The following SAXO1 variants were observed in gnomAD, a reference collection of about 807,000 sequenced individuals.
SAXO1 encodes 4930500O09Rik.
A neutral mutation model predicts 17.5 loss-of-function variants in SAXO1; 21 were observed. That is an observed-to-expected ratio of 1.20 (90% CI 0.85 to 1.72). The LOEUF (loss-of-function observed/expected upper bound fraction) is 1.72, where lower values mean the gene tolerates loss of function less well. Among genes scored for constraint, SAXO1 ranks in the 40% most tolerant of loss-of-function variants. The probability of loss-of-function intolerance (pLI) is 0.00; values close to 1 mark genes in which losing one functional copy is unlikely to be tolerated. For missense variants in SAXO1, 843 were observed against 596.0 expected (o/e 1.41, Z -4.32); for synonymous variants, 274 against 216.5 (o/e 1.27, Z -2.33).
intron 3 of SAXO1, among the ~76,000 whole-genome samples, chr9:18,929,371 C>T (rs963646942): frequency 2.6e-5 from 4 of 152,220 alleles, no homozygotes; most frequent in Admixed American, 2.6e-4. Context: ...CACTAGCTTA[C>T]TCTGACAACA....
intron 1 of SAXO1, among the ~76,000 whole-genome samples, chr9:19,002,623 A>G (rs1354741647): frequency 6.6e-6 from 1 of 152,232 alleles, no homozygotes; most frequent in Non-Finnish European, 1.5e-5. Flanking sequence ...CATCACATGA[A>G]CAGAACCAAA....
intron 3 of SAXO1, among the ~76,000 whole-genome samples, chr9:18,937,626 A>C: frequency 1.3e-5 from 2 of 152,062 alleles, no homozygotes; most frequent in Middle Eastern, 3.4e-3. Context: ...TGCATCATGC[A>C]GGCTCCACCT....
rs1441050773 is a variant in SAXO1, at chr9:19,024,207, G to A, written c.38+8664C>T. 2.0e-5 allele frequency among the ~76,000 whole-genome samples: 3 copies of A among 151,922 alleles called. No homozygotes were observed. The East Asian group carries it at 5.8e-4, about 30-fold the overall frequency. ...CAGGCTCAAGTACTCAGGCAGACATGATGTCTTCCGTGTCTCTCTGACTGC... is the reference window on the plus strand; with the variant it reads ...CAGGCTCAAGTACTCAGGCAGACATAATGTCTTCCGTGTCTCTCTGACTGC... On this transcript the variant is annotated intron_variant, in intron 1 of 3. Transcript: ENST00000380534.
intron 2 of SAXO1, among the ~76,000 whole-genome samples, chr9:18,942,793 G>A (rs1300194366): frequency 6.6e-6 from 1 of 152,206 alleles, no homozygotes; most frequent in Non-Finnish European, 1.5e-5. Flanking sequence ...GACTTGTGTT[G>A]CCCTCCAGGG....
Position 19,024,314 on chromosome 9 carries a change from T to C in SAXO1, c.38+8557A>G, listed in dbSNP as rs143532652. Reference sequence around the variant, plus strand: ...CCTGTGCTCCTCTCCCGCCTAATCCTCACACCAACCTTAAGAATATCGCAA... The same window carrying C: ...CCTGTGCTCCTCTCCCGCCTAATCCCCACACCAACCTTAAGAATATCGCAA... On this transcript the variant is annotated intron_variant, in intron 1 of 3. Transcript: ENST00000380534. Among the ~76,000 whole-genome samples, 596 of 151,900 alleles carry C rather than the reference T, an allele frequency of 3.9e-3. 3 individuals are homozygous for C. The highest frequency in any genetic ancestry group is 0.013 in the African/African-American group (544 of 41,424).
At chr9:19,022,328 AC>A (rs1314117264) in intron 1 of SAXO1, among the ~76,000 whole-genome samples, 1 of 152,236 alleles carries the variant, frequency 6.6e-6, no homozygotes, top group Non-Finnish European at 1.5e-5. Flanking sequence ...TGTAACATTC[AC>A]TGCGAGAGTC....
Position 18,949,250 on chromosome 9 carries a change from A to G in SAXO1, c.218+1508T>C, listed in dbSNP as rs181194754. ...CATTTAAGATACATGCTTAGAATAA[A>G]TATAATCATCTGGCCTTAGCAATAT... On this transcript the variant is annotated intron_variant, in intron 2 of 3. Transcript: ENST00000380534. 2.8e-3 allele frequency among the ~76,000 whole-genome samples: 425 copies of G among 152,302 alleles called. 4 individuals are homozygous for G. The highest frequency in any genetic ancestry group is 9.7e-3 in the African/African-American group (404 of 41,552).
chr9:19,014,886 T>C (rs1344156709), intron 1 of SAXO1, among the ~76,000 whole-genome samples: 3 of 152,072 alleles, frequency 2.0e-5, no homozygotes, highest in Admixed American at 6.6e-5. Context: ...TCAAGACCAA[T>C]AAACAAGACC....
chr9:18,966,018 G>T (rs1262303935), intron 1 of SAXO1, among the ~76,000 whole-genome samples: 1 of 152,142 alleles, frequency 6.6e-6, no homozygotes, highest in Non-Finnish European at 1.5e-5. Context: ...AGTTTGGCTG[G>T]CTATGAAATA....
upstream of SAXO1, among the ~76,000 whole-genome samples, chr9:19,034,428 A>G (rs1015004488): frequency 3.9e-5 from 6 of 152,248 alleles, no homozygotes; most frequent in Admixed American, 6.5e-5. Context: ...ATAATATTAC[A>G]TGACAAATGA....
At chr9:18,996,943 A>C (rs1588501182) in intron 1 of SAXO1, among the ~76,000 whole-genome samples, 2 of 150,142 alleles carry the variant, frequency 1.3e-5, no homozygotes, top group Admixed American at 6.6e-5. Flanking sequence ...TGTAAAACCC[A>C]AAAAAAAAAT....
intron 1 of SAXO1, among the ~76,000 whole-genome samples, chr9:18,968,119 G>T (rs181905182): frequency 6.1e-4 from 93 of 152,364 alleles, no homozygotes; most frequent in Non-Finnish European, 8.2e-4. Context: ...GAGTACCTCA[G>T]TTGGAAATGC....
chr9:19,033,273 G>A (rs1042549969), upstream of SAXO1: 1 of 243,364 alleles, frequency 4.1e-6, no homozygotes, highest in African/African-American at 2.2e-5. Flanking sequence ...GGGCCAGGAG[G>A]GGCACGCCTC....
intron 1 of SAXO1, among the ~76,000 whole-genome samples, chr9:19,028,577 A>T (rs1835617385): frequency 1.3e-5 from 2 of 152,208 alleles, no homozygotes; most frequent in Non-Finnish European, 2.9e-5. Context: ...TTAGATGCTG[A>T]CCTTACTGTT....
upstream of SAXO1, among the ~76,000 whole-genome samples, chr9:19,034,833 T>C (rs1383371560): frequency 6.6e-6 from 1 of 152,212 alleles, no homozygotes; most frequent in East Asian, 1.9e-4. Flanking sequence ...AATACAGTGC[T>C]GGACACCAGC....
chr9:19,012,893 G>A (rs1171682622), intron 1 of SAXO1, among the ~76,000 whole-genome samples: 1 of 152,150 alleles, frequency 6.6e-6, no homozygotes, highest in Non-Finnish European at 1.5e-5. Context: ...CTCTCTCAGG[G>A]TGCTGACAGA....
intron 1 of SAXO1, among the ~76,000 whole-genome samples, chr9:19,047,085 G>C (rs879319140): frequency 1.3e-5 from 2 of 152,222 alleles, no homozygotes; most frequent in African/African-American, 2.4e-5. Flanking sequence ...TACTCGGGAG[G>C]CTGAGCCGGG....
At chr9:19,024,606 T>C (rs1481320457) in intron 1 of SAXO1, among the ~76,000 whole-genome samples, 1 of 151,688 alleles carries the variant, frequency 6.6e-6, no homozygotes, top group South Asian at 2.1e-4. Flanking sequence ...TAATAAAATT[T>C]AAAAAAAAGT....
At chr9:18,985,251 A>C (rs571493859) in intron 1 of SAXO1, among the ~76,000 whole-genome samples, 18 of 152,264 alleles carry the variant, frequency 1.2e-4, no homozygotes, top group African/African-American at 4.3e-4. Flanking sequence ...GTAACATCAA[A>C]GGTTAATCAC....
Sources: gnomAD v4.1 joint callset for allele counts (sites outside exome capture counted in the v4.1 genomes callset) on GRCh38, gnomAD v4.1.1 for gene constraint, MANE v1.5 for transcripts, NCBI Gene and HGNC (gene_info 2026-07-23, HGNC 2026-07-21) for gene names.